PTGER2: variants seen among roughly 807,000 people sequenced by gnomAD.
PTGER2 encodes prostaglandin E2 receptor EP2 subtype.
A neutral mutation model predicts 26.2 loss-of-function variants in PTGER2; 22 were observed. That is an observed-to-expected ratio of 0.84 (90% CI 0.60 to 1.20). PTGER2 has a LOEUF of 1.20. Among genes scored for constraint, PTGER2 ranks in the 50% most tolerant of loss-of-function variants. The probability of loss-of-function intolerance (pLI) is 0.00; values close to 1 mark genes in which losing one functional copy is unlikely to be tolerated. For synonymous variants in PTGER2, 219 were observed against 208.9 expected (o/e 1.05, Z -0.42); for missense variants, 458 against 475.2 (o/e 0.96, Z 0.34).
intron 1 of PTGER2, 121 bp from the exon 2 acceptor site, chr14:52,327,100 C>A: frequency 1.4e-6 from 1 of 694,914 alleles, no homozygotes; most frequent in Non-Finnish European, 2.4e-6. Context: ...CTTTCGTTCC[C>A]CACCACTACC....
At chr14:52,315,733 G>A (rs898502018) in intron 1 of PTGER2, among the ~76,000 whole-genome samples, 3 of 152,198 alleles carry the variant, frequency 2.0e-5, no homozygotes, top group African/African-American at 7.2e-5. Flanking sequence ...AATTGAGAAA[G>A]AGGCAGCCCC....
chr14:52,326,945 T>G (rs2140041363), intron 1 of PTGER2, among the ~76,000 whole-genome samples: 1 of 152,288 alleles, frequency 6.6e-6, no homozygotes, highest in East Asian at 1.9e-4. Context: ...TTCTCTCCAC[T>G]CCCAATGACA....
At chr14:52,320,280 AT>A (rs1302845802) in intron 1 of PTGER2, among the ~76,000 whole-genome samples, 3 of 152,210 alleles carry the variant, frequency 2.0e-5, no homozygotes, top group Non-Finnish European at 4.4e-5. Context: ...GCCATTTGAT[AT>A]TATGAATGCT....
At chr14:52,326,674 G>A (rs1023239971) in intron 1 of PTGER2, among the ~76,000 whole-genome samples, 4 of 152,152 alleles carry the variant, frequency 2.6e-5, no homozygotes, top group Non-Finnish European at 4.4e-5. Context: ...ACCCTGTCTC[G>A]CTGAATTGTG....
Position 52,314,404 on chromosome 14 carries a change from G to C in PTGER2, c.-145G>C, listed in dbSNP as rs921571595. The C allele has an allele frequency of 3.0e-5, 31 of 1,026,648 alleles. No homozygotes were observed. Among genetic ancestry groups the C allele is most frequent in the Non-Finnish European group, 3.8e-5 (30 of 792,646 alleles). The allele number at this position is 1,026,648 out of a possible 1,614,324, so 63.6% of individuals were successfully genotyped here. Reference sequence around the variant, plus strand: ...GGGAGACCCAGGGCAAGCCGCCGTCGGCGCGCTGGGTGCGGGAAGGGGGCT... The same window carrying C: ...GGGAGACCCAGGGCAAGCCGCCGTCCGCGCGCTGGGTGCGGGAAGGGGGCT... On this transcript the variant is annotated 5_prime_UTR_variant, in exon 1 of 2. Coordinates refer to ENST00000245457, the MANE Select transcript of PTGER2 (RefSeq NM_000956.4). This position sits in a 1 kb window ranked among gnomAD's most constrained non-coding sequence, Gnocchi z 5.7.
In PTGER2 at chr14:52,315,337, C is replaced by A; in HGVS notation, c.789C>A (p.Leu263=). Residue 263 remains leucine (L), a synonymous_variant, in exon 1 of 2, where the codon CTC becomes CTA. Transcript: ENST00000245457. The part of the protein sequence containing the change: ...RVSMAEETDH[L]ILLAIMTITF... ...CCATGGCGGAGGAGACGGACCACCT[C>A]ATTCTCCTGGCTATCATGACCATCA... 6.2e-7 allele frequency: 1 copy of A among 1,613,522 alleles called. No individual in the cohort carries two copies. The highest frequency in any genetic ancestry group is 1.1e-5 in the South Asian group (1 of 91,044).
intron 1 of PTGER2, among the ~76,000 whole-genome samples, chr14:52,322,041 G>C (rs937337): frequency 6.6e-6 from 1 of 152,162 alleles, no homozygotes. Flanking sequence ...GGAGCACTTT[G>C]CAAACCTTGA....
chr14:52,318,106 G>T (rs962147482), intron 1 of PTGER2, among the ~76,000 whole-genome samples: 2 of 152,210 alleles, frequency 1.3e-5, no homozygotes, highest in African/African-American at 4.8e-5. Flanking sequence ...GCCTCCAGGG[G>T]AGGTTGCTTT....
At chr14:52,315,518 A>G in intron 1 of PTGER2, 127 bp downstream of exon 1, 1 of 1,287,066 alleles carries the variant, frequency 7.8e-7, no homozygotes. Context: ...CCTAATTTGT[A>G]AAGATCTGTA....
intron 1 of PTGER2, among the ~76,000 whole-genome samples, chr14:52,321,329 G>A (rs2033893644): frequency 6.6e-6 from 1 of 152,088 alleles, no homozygotes; most frequent in African/African-American, 2.4e-5. Context: ...TCAGAAGGCA[G>A]GTAAACATAT....
intron 1 of PTGER2, among the ~76,000 whole-genome samples, chr14:52,319,577 C>T (rs770533772): frequency 1.3e-5 from 2 of 152,128 alleles, no homozygotes; most frequent in Admixed American, 6.6e-5. Flanking sequence ...GCTTTGCCAT[C>T]GTTTTACAGA....
At chr14:52,317,433 T>C (rs1419972513) in intron 1 of PTGER2, among the ~76,000 whole-genome samples, 1 of 152,240 alleles carries the variant, frequency 6.6e-6, no homozygotes, top group Non-Finnish European at 1.5e-5. Flanking sequence ...GAGAATTCCA[T>C]CGTTGCCTTA....
chr14:52,325,301 C>A (rs1566497348), intron 1 of PTGER2, among the ~76,000 whole-genome samples: 1 of 152,228 alleles, frequency 6.6e-6, no homozygotes, highest in Non-Finnish European at 1.5e-5. Flanking sequence ...CTGTCACGCT[C>A]TAAAGACATT....
rs1475682589 is a variant in PTGER2 at position 52,315,000 on chromosome 14, C to T, written c.452C>T (p.Ser151Phe). The change falls in exon 1 of 2, where the codon TCC (serine) becomes TTC (phenylalanine). Residue 151 changes from serine to phenylalanine, a missense_variant. Ser to Phe is a radical substitution (Grantham distance 155). Coordinates refer to ENST00000245457, the MANE Select transcript of PTGER2 (RefSeq NM_000956.4). The surrounding 1 kb of genome is among the most constrained non-coding windows in gnomAD (Gnocchi z 5.7). ...PYFYQRRVSR[S>F]GGLAVLPVIY... The stretch of plus-strand genomic sequence containing the variant: ...TTCTACCAGCGCCGCGTCTCGCGCT[C>T]CGGGGGCCTGGCCGTGCTGCCTGTC... 1 of 1,613,456 alleles carries T rather than the reference C, an allele frequency of 6.2e-7. No homozygotes were observed. The highest frequency in any genetic ancestry group is 1.7e-5 in the Admixed American group (1 of 60,018).
chr14:52,320,749 T>G (rs2140037281), intron 1 of PTGER2, among the ~76,000 whole-genome samples: 1 of 152,284 alleles, frequency 6.6e-6, no homozygotes, highest in African/African-American at 2.4e-5. Context: ...TCTGAGAATA[T>G]TTTGCTGCCT....
intron 1 of PTGER2, among the ~76,000 whole-genome samples, chr14:52,326,640 C>A (rs914255264): frequency 3.3e-5 from 5 of 152,174 alleles, no homozygotes; most frequent in Non-Finnish European, 5.9e-5. Flanking sequence ...AACTCATACT[C>A]CCACTCAGGG....
At position 52,314,691 on chromosome 14, in the gene PTGER2, G is replaced by A. The variant is rs768541652; in HGVS notation, c.143G>A (p.Arg48His). Residue 48 changes from arginine to histidine, a missense_variant, in exon 1 of 2, where the codon CGC (arginine) becomes CAC (histidine). Coordinates refer to ENST00000245457, the MANE Select transcript of PTGER2 (RefSeq NM_000956.4). This position sits in a 1 kb window ranked among gnomAD's most constrained non-coding sequence, Gnocchi z 5.7. ...GNLIALALLA[R>H]RWRGDVGCSA... ...CTCATAGCACTGGCGCTGCTGGCGC[G>A]CCGCTGGCGGGGGGACGTGGGGTGC... 1 of 1,549,456 alleles carries A rather than the reference G, an allele frequency of 6.5e-7. No homozygotes were observed. Among genetic ancestry groups the A allele is most frequent in the Admixed American group, 1.9e-5 (1 of 52,580 alleles).
chr14:52,317,007 G>C (rs1390385117), intron 1 of PTGER2, among the ~76,000 whole-genome samples: 2 of 152,144 alleles, frequency 1.3e-5, no homozygotes, highest in Non-Finnish European at 2.9e-5. Context: ...ATTATGTTAG[G>C]AGCTAAATCA....
intron 1 of PTGER2, among the ~76,000 whole-genome samples, chr14:52,320,465 G>A (rs1440078374): frequency 6.6e-6 from 1 of 152,124 alleles, no homozygotes; most frequent in African/African-American, 2.4e-5. Context: ...ACACCTTCTG[G>A]AGATGGTATA....
Sources: allele counts gnomAD v4.1 joint callset (sites outside exome capture counted in the v4.1 genomes callset), GRCh38; gene constraint gnomAD v4.1.1; non-coding constraint Gnocchi (gnomAD v3.1); transcripts MANE v1.5; gene names NCBI Gene and HGNC (gene_info 2026-07-23, HGNC 2026-07-21).